The following ITSN2 variants were observed in gnomAD, a reference collection of about 807,000 sequenced individuals.
ITSN2 encodes the protein intersectin-2.
ITSN2 carries 156 observed loss-of-function variants against 243.7 expected under a neutral mutation model. The ratio of observed to expected loss-of-function variants is 0.64; its 90% CI spans 0.56 to 0.73. ITSN2 has a LOEUF of 0.73. ITSN2 is among the 30% of genes least tolerant of loss of function. The pLI is 0.00. For synonymous variants in ITSN2, 703 were observed against 699.9 expected (o/e 1.00, Z -0.07); for missense variants, 1,801 against 1,996.1 (o/e 0.90, Z 1.86).
At chr2:24,286,070 G>T in intron 16 of ITSN2, 142 bp downstream of exon 16, 1 of 577,064 alleles carries the variant, frequency 1.7e-6, no homozygotes, top group Non-Finnish European at 3.0e-6. Context: ...AAACAATCTT[G>T]AAATTCTTGT....
At chr2:24,343,937 A>G (rs191396079) in intron 1 of ITSN2, among the ~76,000 whole-genome samples, 4 of 152,216 alleles carry the variant, frequency 2.6e-5, no homozygotes, top group Admixed American at 1.3e-4. Flanking sequence ...CTCCACAGAC[A>G]GGGGAGGAGG....
Position 24,248,683 on chromosome 2 carries a change from C to A in ITSN2, c.3234G>T (p.Gln1078His). ...GSEQLSLAPGQLILILKKNTS... is the reference protein window; with the variant it reads ...GSEQLSLAPGHLILILKKNTS... ...TATTTTTCTTTAGAATTAATATTAA[C>A]TGTCCTGGTGCAAGGCTAAGTTGTT... Residue 1078 changes from glutamine to histidine, a missense_variant, in exon 27 of 40, where the codon CAG (glutamine) becomes CAT (histidine). Gln to His is a conservative substitution (Grantham distance 24, BLOSUM62 0). This residue lies in a region of ITSN2 where 928 missense variants were observed against 1,065.4 expected (regional missense o/e 0.87). Coordinates refer to ENST00000355123, the MANE Select transcript of ITSN2 (RefSeq NM_006277.3). 1 of 1,612,378 alleles carries A rather than the reference C, an allele frequency of 6.2e-7. No individual in the cohort carries two copies. Among genetic ancestry groups the A allele is most frequent in the Non-Finnish European group, 8.5e-7 (1 of 1,178,800 alleles).
chr2:24,260,267 C>A (rs1675641176), intron 22 of ITSN2, among the ~76,000 whole-genome samples: 1 of 151,984 alleles, frequency 6.6e-6, no homozygotes, highest in Non-Finnish European at 1.5e-5. Flanking sequence ...AAATTTCTAG[C>A]ACATAATAAA....
In ITSN2 at chr2:24,225,602, G is replaced by A. The variant is rs1670951271; in HGVS notation, c.3578-4536C>T. On this transcript the variant is annotated intron_variant, in intron 29 of 39. Coordinates refer to ENST00000355123, the MANE Select transcript of ITSN2 (RefSeq NM_006277.3). The surrounding 1 kb of genome is among the most constrained non-coding windows in gnomAD (Gnocchi z 4.2). The stretch of plus-strand genomic sequence containing the variant: ...TGTTTCCTTCTGTCTTCTGCCTCTT[G>A]CCTGCTGCCTGGCTCTCTGCTCCCC... Among the ~76,000 whole-genome samples, 2 of 152,088 alleles carry A rather than the reference G, an allele frequency of 1.3e-5. No individual in the cohort carries two copies. The highest frequency in any genetic ancestry group is 4.1e-4 in the South Asian group (2 of 4,820).
In ITSN2 at chr2:24,360,506, G is replaced by A. The variant is rs763582210; in HGVS notation, c.-236C>T. 5.2e-5 allele frequency: 8 copies of A among 152,404 alleles called. No individual in the cohort carries two copies. Among genetic ancestry groups the A allele is most frequent in the Non-Finnish European group, 7.3e-5 (5 of 68,098 alleles). The allele number at this position is 152,404 out of a possible 1,614,324, so 9.4% of individuals were successfully genotyped here. A position where few individuals can be genotyped will look rare whatever the true frequency, so the allele number is the denominator to read the frequency against. ...TCAGGGCTCCGCCGGCGCCGCCTCA[G>A]CCCCACAACAACATGGCGGCCGCGG... On this transcript the variant is annotated 5_prime_UTR_variant, in exon 1 of 40. Transcript: ENST00000355123.
chr2:24,218,158 C>T, intron 30 of ITSN2, 145 bp from the exon 31 acceptor site: 1 of 611,364 alleles, frequency 1.6e-6, no homozygotes, highest in Non-Finnish European at 2.9e-6. Context: ...TCCAAATAAG[C>T]ATACTTATGA....
chr2:24,210,630 A>AAATG, intron 34 of ITSN2, 150 bp downstream of exon 34: 1 of 629,016 alleles, frequency 1.6e-6, no homozygotes, highest in South Asian at 2.6e-5. Context: ...AAAAAAAAAA[A>AAATG]AAAAGAAAAA....
intron 18 of ITSN2, among the ~76,000 whole-genome samples, chr2:24,272,456 G>A (rs1334364145): frequency 2.0e-5 from 3 of 147,100 alleles, no homozygotes; most frequent in East Asian, 2.0e-4. Context: ...TAAAGAGAGA[G>A]GGTCTTACTC....
intron 17 of ITSN2, among the ~76,000 whole-genome samples, chr2:24,278,733 C>T (rs938544844): frequency 6.7e-6 from 1 of 149,380 alleles, no homozygotes; most frequent in Non-Finnish European, 1.5e-5. Flanking sequence ...CTCACTGCAA[C>T]CTCCGCCTCC....
intron 23 of ITSN2, among the ~76,000 whole-genome samples, chr2:24,255,346 C>T (rs187908164): frequency 4.9e-4 from 74 of 152,262 alleles, no homozygotes; most frequent in African/African-American, 1.7e-3. Context: ...ATCCAAAATT[C>T]GGCCAGGTGT....
At chr2:24,259,316 A>G (rs1241574444) in intron 22 of ITSN2, among the ~76,000 whole-genome samples, 1 of 152,148 alleles carries the variant, frequency 6.6e-6, no homozygotes, top group Non-Finnish European at 1.5e-5. Flanking sequence ...TTCTAAATCT[A>G]TCTCCTCTTT....
chr2:24,315,267 G>T, intron 2 of ITSN2, 43 bp from the exon 3 acceptor site: 2 of 1,042,912 alleles, frequency 1.9e-6, no homozygotes, highest in Non-Finnish European at 1.5e-6. Context: ...ACATGAGAAT[G>T]CTTAAAATAC....
In ITSN2 at chr2:24,271,960, G is replaced by T; in HGVS notation, c.2082-19C>A. On this transcript the variant is annotated intron_variant, in intron 18 of 39. Transcript: ENST00000355123. ...TGCTTTCCTTTACATAAAAGAAAAA[G>T]AGTTTGTATAATGTCCTAGAAATTT... 4 of 1,381,816 alleles carry T rather than the reference G, an allele frequency of 2.9e-6. No homozygotes were observed. Among genetic ancestry groups the T allele is most frequent in the Non-Finnish European group, 3.9e-6 (4 of 1,038,888 alleles). The allele number at this position is 1,381,816 out of a possible 1,614,324, so 85.6% of individuals were successfully genotyped here. A position where few individuals can be genotyped will look rare whatever the true frequency, so the allele number is the denominator to read the frequency against.
At chr2:24,222,906 T>C (rs1311005325) in intron 29 of ITSN2, among the ~76,000 whole-genome samples, 5 of 152,002 alleles carry the variant, frequency 3.3e-5, no homozygotes, top group Non-Finnish European at 7.4e-5. Context: ...GAACTCCTGA[T>C]CTCAGGTGAT....
intron 10 of ITSN2, 30 bp from the exon 11 acceptor site, chr2:24,301,269 C>T (rs1681695013): frequency 3.6e-6 from 5 of 1,400,142 alleles, no homozygotes; most frequent in Middle Eastern, 1.8e-4. Context: ...AAGTTAGCAT[C>T]ATGTAGTCTG....
intron 1 of ITSN2, among the ~76,000 whole-genome samples, chr2:24,358,294 G>T (rs1688636253): frequency 6.6e-6 from 1 of 152,200 alleles, no homozygotes; most frequent in Admixed American, 6.5e-5. Context: ...ATCTTGGTTT[G>T]AAACCTGGCT....
intron 17 of ITSN2, among the ~76,000 whole-genome samples, chr2:24,284,400 G>A (rs1208625641): frequency 6.6e-6 from 1 of 152,130 alleles, no homozygotes; most frequent in Non-Finnish European, 1.5e-5. Flanking sequence ...TTTAAACACT[G>A]ATTTTCAGTG....
intron 29 of ITSN2, among the ~76,000 whole-genome samples, chr2:24,229,695 C>T (rs1316888342): frequency 2.0e-5 from 3 of 152,176 alleles, no homozygotes; most frequent in Non-Finnish European, 4.4e-5. Flanking sequence ...ATACATTTAA[C>T]ATTATTTTCA....
At position 24,353,454 on chromosome 2, in the gene ITSN2, T is replaced by G. The variant is rs544501316; in HGVS notation, c.-34+6850A>C. On this transcript the variant is annotated intron_variant, in intron 1 of 39. Coordinates refer to ENST00000355123, the MANE Select transcript of ITSN2 (RefSeq NM_006277.3). ...TCAATAAAAACTACAAAAAAATTAGTTGGTCCCAGCGGGAGGCTGAGGTGG... is the reference window on the plus strand; with the variant it reads ...TCAATAAAAACTACAAAAAAATTAGGTGGTCCCAGCGGGAGGCTGAGGTGG... Among the ~76,000 whole-genome samples the G allele has an allele frequency of 4.6e-5, 7 of 151,942 alleles. No individual in the cohort carries two copies. In the South Asian group the frequency reaches 1.5e-3, roughly 32 times the overall value.
Sources: gnomAD v4.1 joint callset for allele counts (sites outside exome capture counted in the v4.1 genomes callset) on GRCh38, gnomAD v4.1.1 for gene constraint, gnomAD v4.1.1 regional missense constraint, Gnocchi (gnomAD v3.1) non-coding constraint, MANE v1.5 for transcripts, NCBI Gene and HGNC (gene_info 2026-07-23, HGNC 2026-07-21) for gene names.